PYROXD2: variants seen among roughly 807,000 people sequenced by gnomAD.
The protein encoded by PYROXD2 is pyridine nucleotide-disulfide oxidoreductase domain-containing protein 2.
A neutral mutation model predicts 71.1 loss-of-function variants in PYROXD2; 69 were observed. That is an observed-to-expected ratio of 0.97 (90% CI 0.80 to 1.19). The LOEUF is 1.19. Among genes scored for constraint, PYROXD2 ranks in the 50% most tolerant of loss-of-function variants. The pLI is 0.00. For missense variants in PYROXD2, 745 were observed against 748.9 expected, an observed-to-expected ratio of 0.99 and a Z score of 0.06; for synonymous variants, 287 against 302.7, an observed-to-expected ratio of 0.95 and a Z score of 0.54.
At chr10:98,397,039 C>T (rs1466258800) in intron 6 of PYROXD2, among the ~76,000 whole-genome samples, 1 of 152,214 alleles carries the variant, frequency 6.6e-6, no homozygotes, top group African/African-American at 2.4e-5. Context: ...CGATCACACA[C>T]TCTGGTATTG....
intron 1 of PYROXD2, 113 bp downstream of exon 1, chr10:98,414,896 A>C (rs1843942182): frequency 7.6e-6 from 11 of 1,444,020 alleles, no homozygotes; most frequent in Non-Finnish European, 1.0e-5. Flanking sequence ...TGGCTGGGTT[A>C]TGCCAGAGGA....
chr10:98,388,618 G>T, intron 12 of PYROXD2, 110 bp from the exon 13 acceptor site: 1 of 1,186,284 alleles, frequency 8.4e-7, no homozygotes, highest in Non-Finnish European at 1.1e-6. Flanking sequence ...CCAATTCTGG[G>T]CGATTGTCGC....
At chr10:98,395,835 G>C (rs961928720) in intron 6 of PYROXD2, among the ~76,000 whole-genome samples, 1 of 152,112 alleles carries the variant, frequency 6.6e-6, no homozygotes, top group African/African-American at 2.4e-5. Flanking sequence ...TCGAACTCTG[G>C]AAGGCCCATA....
chr10:98,401,624 T>C (rs971980146), intron 4 of PYROXD2, among the ~76,000 whole-genome samples: 2 of 152,170 alleles, frequency 1.3e-5, no homozygotes, highest in African/African-American at 4.8e-5. Context: ...TTTCTTTATA[T>C]CCTCATTCTA....
intron 1 of PYROXD2, chr10:98,414,141 G>A (rs890597752): frequency 6.6e-6 from 1 of 151,756 alleles, no homozygotes; most frequent in African/African-American, 2.4e-5. Flanking sequence ...TTTTTCCCTG[G>A]AGAGGTGAGT....
intron 14 of PYROXD2, among the ~76,000 whole-genome samples, chr10:98,385,456 G>A (rs1006586589): frequency 2.0e-5 from 3 of 152,234 alleles, no homozygotes; most frequent in African/African-American, 7.2e-5. Flanking sequence ...CCCGGACCCC[G>A]GTGTCCAAGC....
At chr10:98,407,530 A>G in intron 4 of PYROXD2, 52 bp downstream of exon 4, 1 of 1,603,936 alleles carries the variant, frequency 6.2e-7, no homozygotes, top group Non-Finnish European at 8.5e-7. Context: ...CAGGTTGGGA[A>G]GATGGAACTG....
At chr10:98,391,548 A>G (rs942814) in intron 10 of PYROXD2, among the ~76,000 whole-genome samples, 77,658 of 151,842 alleles carry the variant, frequency 0.51, 22,424 homozygotes, top group African/African-American at 0.78. Context: ...ATATCTTTTG[A>G]GCACAGGGTA....
chr10:98,396,585 T>C (rs978764155), intron 6 of PYROXD2, among the ~76,000 whole-genome samples: 1 of 152,224 alleles, frequency 6.6e-6, no homozygotes, highest in Non-Finnish European at 1.5e-5. Context: ...ACATTACTAA[T>C]TGATCACAGA....
chr10:98,403,615 T>C (rs1446971267), intron 4 of PYROXD2, among the ~76,000 whole-genome samples: 1 of 152,224 alleles, frequency 6.6e-6, no homozygotes, highest in African/African-American at 2.4e-5. Flanking sequence ...TTCTTCCCTC[T>C]GACTGGAGAC....
intron 1 of PYROXD2, chr10:98,414,094 C>CAT (rs1226994081): frequency 1.3e-5 from 2 of 151,234 alleles, no homozygotes; most frequent in African/African-American, 2.4e-5. Context: ...TGTATATATA[C>CAT]ATATATATAC....
chr10:98,400,438 T>C (rs1843355328), intron 4 of PYROXD2, among the ~76,000 whole-genome samples, 181 bp from the exon 5 acceptor site: 4 of 152,150 alleles, frequency 2.6e-5, no homozygotes, highest in Non-Finnish European at 4.4e-5. Flanking sequence ...AAGTACCCTA[T>C]GGTAGACGAT....
intron 9 of PYROXD2, 95 bp downstream of exon 9, chr10:98,392,847 G>A: frequency 1.4e-6 from 2 of 1,411,602 alleles, no homozygotes; most frequent in South Asian, 2.4e-5. Flanking sequence ...TGGCCCCTCT[G>A]TTCATTGGTA....
At chr10:98,391,181 G>A (rs17109620) in intron 10 of PYROXD2, 99 bp from the exon 11 acceptor site, 45,262 of 812,056 alleles carry the variant, frequency 0.056, 1,468 homozygotes, top group East Asian at 0.11. Flanking sequence ...CGCTCCCTCC[G>A]GAAATCCTCT....
rs771460531 is a variant in PYROXD2 at position 98,387,235 on chromosome 10, G to T, written c.1520C>A (p.Pro507Gln). The T allele has an allele frequency of 3.7e-6, 6 of 1,614,038 alleles. No individual in the cohort carries two copies. In the African/African-American group the frequency reaches 8.0e-5, roughly 22 times the overall value. Residue 507 changes from proline to glutamine, a missense_variant, in exon 14 of 16, where the codon CCA (proline) becomes CAA (glutamine). Physicochemically the swap from Pro to Gln is moderately conservative, Grantham distance 76. Coordinates refer to ENST00000370575, the MANE Select transcript of PYROXD2 (RefSeq NM_032709.3). Reference sequence around the variant, plus strand: ...AAGCCCGAAGATTCTCTCCAAATCTGGTGGTGTGAGGATGTCTCTGCCAAC... The same window carrying T: ...AAGCCCGAAGATTCTCTCCAAATCTTGTGGTGTGAGGATGTCTCTGCCAAC... ...SVVGRDILTP[P>Q]DLERIFGLPG...
At chr10:98,414,986 C>G (rs1475191215) in intron 1 of PYROXD2, 23 bp downstream of exon 1, 16 of 1,610,564 alleles carry the variant, frequency 9.9e-6, no homozygotes, top group Admixed American at 1.7e-5. Context: ...TCAGCTCTGG[C>G]CCGGCCTGCT....
intron 4 of PYROXD2, among the ~76,000 whole-genome samples, chr10:98,403,487 G>T (rs1307968773): frequency 6.6e-6 from 1 of 152,130 alleles, no homozygotes; most frequent in Non-Finnish European, 1.5e-5. Context: ...CTGGCTTCTC[G>T]CTGCACTTGG....
intron 2 of PYROXD2, among the ~76,000 whole-genome samples, 162 bp from the exon 3 acceptor site, chr10:98,408,159 C>T (rs1230163574): frequency 6.6e-6 from 1 of 152,182 alleles, no homozygotes; most frequent in African/African-American, 2.4e-5. Flanking sequence ...TGGGAATGCC[C>T]TTCCCTGTGC....
Position 98,387,182 on chromosome 10 carries a change from C to T in PYROXD2, c.1554+19G>A, listed in dbSNP as rs1842780692. ...CAGAGGGAAGGCTATGGTGAGAGAC[C>T]CCCTAGGCTTATACATACCCCTCCA... is the stretch of plus-strand genomic sequence containing the variant. On this transcript the variant is annotated intron_variant, in intron 14 of 15. Transcript: ENST00000370575. The T allele has an allele frequency of 6.3e-7, 1 of 1,581,660 alleles. No homozygotes were observed. The highest frequency in any genetic ancestry group is 1.1e-5 in the South Asian group (1 of 89,914).
Sources: gnomAD v4.1 joint callset for allele counts (sites outside exome capture counted in the v4.1 genomes callset) on GRCh38, gnomAD v4.1.1 for gene constraint, MANE v1.5 for transcripts, NCBI Gene and HGNC (gene_info 2026-07-23, HGNC 2026-07-21) for gene names.